Variants in CLTB observed in about 807,000 individuals in gnomAD.
The protein encoded by CLTB is clathrin light chain B.
CLTB carries 10 observed loss-of-function variants against 30.5 expected under a neutral mutation model. The observed-to-expected ratio is 0.33, with a 90% CI of 0.20 to 0.56. The LOEUF (loss-of-function observed/expected upper bound fraction) is 0.56. Among genes scored for constraint, CLTB ranks in the 20% least tolerant of loss-of-function variants. The pLI, the probability that CLTB is intolerant of heterozygous loss-of-function variation, is 0.91. For missense variants in CLTB, 261 were observed against 308.3 expected, an observed-to-expected ratio of 0.85 and a Z score of 1.15; for synonymous variants, 102 against 120.3, an observed-to-expected ratio of 0.85 and a Z score of 1.00.
intron 5 of CLTB, among the ~76,000 whole-genome samples, chr5:176,394,630 C>G (rs113661709): frequency 6.8e-6 from 1 of 147,736 alleles, no homozygotes; most frequent in Non-Finnish European, 1.5e-5. Flanking sequence ...CTGGCTAACA[C>G]GGTGAAACCC....
At position 176,392,679 on chromosome 5, in the gene CLTB, T is replaced by C; in HGVS notation, c.*95A>G. ...GGGGAGGAGTGGAATAGGCTGTGGG[T>C]AGCAGCTGCTGCGAGTCTCCACCCC... is the stretch of plus-strand genomic sequence containing the variant. On this transcript the variant is annotated 3_prime_UTR_variant, in exon 6 of 6. Transcript: ENST00000310418. This position sits in a 1 kb window ranked among gnomAD's most constrained non-coding sequence, Gnocchi z 5.2. The C allele has an allele frequency of 2.1e-6, 3 of 1,412,714 alleles. No individual in the cohort carries two copies. The South Asian group carries it at 3.7e-5, about 18-fold the overall frequency. The allele number at this position is 1,412,714 out of a possible 1,614,324, so 87.5% of individuals were successfully genotyped here.
chr5:176,395,037 G>A (rs1273445552), intron 5 of CLTB, among the ~76,000 whole-genome samples: 4 of 151,960 alleles, frequency 2.6e-5, no homozygotes, highest in Non-Finnish European at 5.9e-5. Flanking sequence ...CACAACAGGC[G>A]CTTTGCAACC....
rs1167164479 is a variant in CLTB, at chr5:176,393,316, C to G, written c.519-371G>C. The stretch of plus-strand genomic sequence containing the variant: ...CCTGAGGTTCCTGACACCTAAAGAC[C>G]CTTGGAGGTCCTAGGACGACCTAAT... On this transcript the variant is annotated intron_variant, in intron 5 of 5. Transcript: ENST00000310418. This position sits in a 1 kb window ranked among gnomAD's most constrained non-coding sequence, Gnocchi z 4.4. Among the ~76,000 whole-genome samples, 1 of 152,102 alleles carries G rather than the reference C, an allele frequency of 6.6e-6. No individual in the cohort carries two copies. The highest frequency in any genetic ancestry group is 2.4e-5 in the African/African-American group (1 of 41,424).
At chr5:176,397,795 C>G in intron 3 of CLTB, 77 bp from the exon 4 acceptor site, 1 of 1,523,424 alleles carries the variant, frequency 6.6e-7, no homozygotes, top group South Asian at 1.1e-5. Context: ...CCCCTGGCCC[C>G]TGCCAGGCAG....
Position 176,397,931 on chromosome 5 carries a change from C to G in CLTB, c.351G>C (p.Leu117=). ...REEQRKRLQE[L]DAASKVTEQE... The stretch of plus-strand genomic sequence containing the variant: ...ACCCCGCCTCAGCCCCGCCCTCACC[C>G]AGCTCTTGCAGCCGTTTCCTCTGCT... Residue 117 remains leucine (L), a splice_region_variant and synonymous_variant, in exon 3 of 6, where the codon CTG becomes CTC. Transcript: ENST00000310418. 6.2e-7 allele frequency: 1 copy of G among 1,613,632 alleles called. No homozygotes were observed.
In CLTB at chr5:176,403,965, G is replaced by A. The variant is rs145792936; in HGVS notation, c.235-5918C>T. On this transcript the variant is annotated intron_variant, in intron 2 of 5. Transcript: ENST00000310418. ...AGTAGAGACAGGGTTTCATCATGTTGTCCAGGCTGGTCTCAAACTCCTGGC... is the reference window on the plus strand; with the variant it reads ...AGTAGAGACAGGGTTTCATCATGTTATCCAGGCTGGTCTCAAACTCCTGGC... Among the ~76,000 whole-genome samples, 537 of 151,210 alleles carry A rather than the reference G, an allele frequency of 3.6e-3. 3 individuals carry two copies. The highest frequency in any genetic ancestry group is 0.012 in the African/African-American group (509 of 41,158).
intron 2 of CLTB, among the ~76,000 whole-genome samples, chr5:176,410,055 G>T (rs952729365): frequency 2.0e-5 from 3 of 152,050 alleles, no homozygotes; most frequent in Non-Finnish European, 4.4e-5. Context: ...CATCAATCTC[G>T]ATCTCTAGTG....
At chr5:176,404,212 T>C (rs191520537) in intron 2 of CLTB, among the ~76,000 whole-genome samples, 2 of 152,226 alleles carry the variant, frequency 1.3e-5, no homozygotes, top group African/African-American at 2.4e-5. Context: ...CTGTGACGCA[T>C]AGTTTGTGTG....
intron 1 of CLTB, among the ~76,000 whole-genome samples, chr5:176,413,242 G>T (rs28429418): frequency 0.43 from 65,347 of 151,966 alleles, 14,714 homozygotes; most frequent in African/African-American, 0.57. Context: ...AACCCCTGAG[G>T]GTTTGCTTCC....
chr5:176,396,684 C>T (rs1023848746), intron 4 of CLTB, 152 bp from the exon 5 acceptor site: 8 of 698,760 alleles, frequency 1.1e-5, no homozygotes, highest in Admixed American at 8.1e-5. Flanking sequence ...GGCTCAGCAA[C>T]GACCCACAGC....
At position 176,410,292 on chromosome 5, in the gene CLTB, C is replaced by G. The variant is rs1391831406; in HGVS notation, c.199G>C (p.Asp67His). ...PGPTSGAGSE[D>H]MGTTVNGDVF... ...TCTCCATTGACTGTGGTCCCCATGT[C>G]CTCAGAACCAGCTGGAAAGAGAACA... Residue 67 changes from aspartate to histidine, a missense_variant, in exon 2 of 6, where the codon GAC becomes CAC. This residue lies in a region of CLTB where 113 missense variants were observed against 102.5 expected (regional missense o/e 1.10). Coordinates refer to ENST00000310418, the MANE Select transcript of CLTB (RefSeq NM_007097.5). The G allele has an allele frequency of 1.9e-6, 3 of 1,613,826 alleles. No homozygotes were observed. Among genetic ancestry groups the G allele is most frequent in the African/African-American group, 1.3e-5 (1 of 74,888 alleles).
At chr5:176,401,908 C>T in intron 2 of CLTB, 1 of 379,280 alleles carries the variant, frequency 2.6e-6, no homozygotes, top group South Asian at 1.9e-5. Flanking sequence ...CGCCCCTGGC[C>T]TGGACCACTG....
intron 2 of CLTB, chr5:176,406,646 A>C: frequency 7.8e-7 from 1 of 1,289,412 alleles, no homozygotes. Context: ...AGTTGTGGGC[A>C]GGCTCGTCCT....
chr5:176,394,281 A>T (rs927594964), intron 5 of CLTB, among the ~76,000 whole-genome samples: 2 of 152,230 alleles, frequency 1.3e-5, no homozygotes, highest in African/African-American at 4.8e-5. Flanking sequence ...CAGCATGACG[A>T]CAGAGCCTGT....
At chr5:176,395,498 G>A (rs1221294105) in intron 5 of CLTB, among the ~76,000 whole-genome samples, 1 of 152,354 alleles carries the variant, frequency 6.6e-6, no homozygotes, top group South Asian at 2.1e-4. Context: ...AGGAGGCTTA[G>A]CCTCGACACA....
intron 2 of CLTB, among the ~76,000 whole-genome samples, chr5:176,398,310 A>G (rs11956701): frequency 0.52 from 79,127 of 152,000 alleles, 21,596 homozygotes; most frequent in African/African-American, 0.68. Context: ...TGATACCCCC[A>G]AAGCAGAAGA....
intron 2 of CLTB, among the ~76,000 whole-genome samples, chr5:176,398,350 T>C (rs192734246): frequency 2.8e-4 from 42 of 152,262 alleles, no homozygotes; most frequent in Non-Finnish European, 5.1e-4. Flanking sequence ...GCCACTTTCT[T>C]TGTCATAAAA....
intron 2 of CLTB, among the ~76,000 whole-genome samples, chr5:176,408,480 G>C (rs1757248531): frequency 6.6e-6 from 1 of 151,650 alleles, no homozygotes; most frequent in Admixed American, 6.6e-5. Context: ...AGGCTGCAGG[G>C]AGCCGAGATC....
In CLTB at chr5:176,416,338, GAGA is replaced by G. The variant is rs752241940; in HGVS notation, c.23_25del (p.Phe8del). Reference sequence around the variant, plus strand: ...CTCCGGGGCACCGCTCTCCGACGACGAGAAGAAGCCAAAGTCATCAGCCATTTT... The same window carrying G: ...CTCCGGGGCACCGCTCTCCGACGACGAGAAGCCAAAGTCATCAGCCATTTT... On this transcript the variant is annotated inframe_deletion, in exon 1 of 6. Coordinates refer to ENST00000310418, the MANE Select transcript of CLTB (RefSeq NM_007097.5). 12 of 1,601,388 alleles carry G rather than the reference GAGA, an allele frequency of 7.5e-6. No individual in the cohort carries two copies. Among genetic ancestry groups the G allele is most frequent in the Admixed American group, 3.4e-5 (2 of 59,262 alleles).
Sources: allele counts gnomAD v4.1 joint callset (sites outside exome capture counted in the v4.1 genomes callset), GRCh38; gene constraint gnomAD v4.1.1; regional missense constraint gnomAD v4.1.1; non-coding constraint Gnocchi (gnomAD v3.1); transcripts MANE v1.5; gene names NCBI Gene and HGNC (gene_info 2026-07-23, HGNC 2026-07-21).